Variants in WDPCP observed in about 807,000 individuals in gnomAD.
The protein encoded by WDPCP is WD repeat containing planar cell polarity effector, also known as WD repeat-containing and planar cell polarity effector protein fritz homolog.
A neutral mutation model predicts 93.1 loss-of-function variants in WDPCP; 71 were observed. The ratio of observed to expected loss-of-function variants is 0.76; its 90% CI spans 0.63 to 0.93. The LOEUF (loss-of-function observed/expected upper bound fraction) is 0.93, where lower values mean the gene tolerates loss of function less well. WDPCP is among the 40% of genes least tolerant of loss of function. WDPCP has a pLI of 0.00. For missense variants in WDPCP, 844 were observed against 887.4 expected (o/e 0.95, Z 0.62); for synonymous variants, 315 against 315.0 (o/e 1.00, Z 0.00).
upstream of WDPCP, chr2:63,590,125 A>G (rs1470272419): frequency 6.6e-6 from 1 of 152,242 alleles, no homozygotes; most frequent in Non-Finnish European, 1.5e-5. Context: ...TTTGTCACAT[A>G]ATTAGTCATT....
intron 17 of WDPCP, among the ~76,000 whole-genome samples, chr2:63,139,303 T>C (rs1025118571): frequency 6.6e-6 from 1 of 152,204 alleles, no homozygotes; most frequent in African/African-American, 2.4e-5. Context: ...AGTATCTTTT[T>C]TGAGTAATGA....
intron 1 of WDPCP, among the ~76,000 whole-genome samples, chr2:63,562,187 C>A (rs1303791797): frequency 6.6e-6 from 1 of 152,094 alleles, no homozygotes; most frequent in East Asian, 1.9e-4. Flanking sequence ...TAGCATGCAG[C>A]CATAAAAAGG....
At chr2:63,574,316 T>C (rs1707759947) in intron 1 of WDPCP, among the ~76,000 whole-genome samples, 1 of 152,212 alleles carries the variant, frequency 6.6e-6, no homozygotes, top group Admixed American at 6.5e-5. Context: ...TGTCCCTTTA[T>C]TTCTCAGACT....
intron 2 of WDPCP, among the ~76,000 whole-genome samples, chr2:63,728,318 A>G (rs182185933): frequency 3.9e-5 from 6 of 152,280 alleles, no homozygotes; most frequent in Admixed American, 3.3e-4. Flanking sequence ...CTCCTATTCA[A>G]AGGAGCTTAC....
rs559450920 is a variant in WDPCP, at chr2:63,266,730, C to T, written c.1813-7321G>A. ...CTGAGGCAGGAGAATCATTTGAACT[C>T]GGGGGGTGGAGGCTGCCGTCAGTCA... On this transcript the variant is annotated intron_variant, in intron 13 of 17. Transcript: ENST00000272321. Among the ~76,000 whole-genome samples the T allele has an allele frequency of 7.2e-5, 11 of 152,100 alleles. No homozygotes were observed. The South Asian group carries it at 8.3e-4, about 11-fold the overall frequency.
At chr2:63,779,619 C>A (rs373085678) in intron 2 of WDPCP, among the ~76,000 whole-genome samples, 179 of 152,248 alleles carry the variant, frequency 1.2e-3, no homozygotes, top group Admixed American at 2.4e-3. Context: ...GAGGATAAAT[C>A]ACCATCGATC....
intron 2 of WDPCP, among the ~76,000 whole-genome samples, chr2:63,771,878 A>T (rs1327020789): frequency 6.6e-6 from 1 of 151,798 alleles, no homozygotes; most frequent in African/African-American, 2.4e-5. Context: ...CTTACTTTTG[A>T]TATTTTTTTA....
intron 1 of WDPCP, among the ~76,000 whole-genome samples, chr2:63,528,865 T>C (rs932773001): frequency 3.9e-5 from 6 of 152,230 alleles, no homozygotes; most frequent in African/African-American, 9.6e-5. Flanking sequence ...GTTCTTCCAT[T>C]TGTTTGTGTC....
In WDPCP at chr2:63,505,243, G is replaced by A. The variant is rs533252948; in HGVS notation, c.76-12303C>T. Among the ~76,000 whole-genome samples the A allele has an allele frequency of 1.1e-4, 16 of 151,962 alleles. No homozygotes were observed. The South Asian group carries it at 1.2e-3, about 12-fold the overall frequency. ...TTACTAACGGTTTGTCACAGTGTTC[G>A]TACTTACATAAAATTTTTAGTATTT... is the stretch of plus-strand genomic sequence containing the variant. On this transcript the variant is annotated intron_variant, in intron 1 of 17. Transcript: ENST00000272321.
At chr2:63,575,538 T>A (rs1420879940) in intron 1 of WDPCP, among the ~76,000 whole-genome samples, 5 of 139,954 alleles carry the variant, frequency 3.6e-5, no homozygotes, top group Non-Finnish European at 6.2e-5. Context: ...GTATATACAC[T>A]GTATATATAG....
intron 3 of WDPCP, among the ~76,000 whole-genome samples, chr2:63,620,789 G>T (rs546745436): frequency 1.3e-5 from 2 of 152,190 alleles, no homozygotes; most frequent in East Asian, 3.9e-4. Flanking sequence ...CATCTGGCAG[G>T]TGCCCCTCTG....
chr2:63,492,223 G>C (rs1028670027), intron 2 of WDPCP, among the ~76,000 whole-genome samples: 2 of 151,888 alleles, frequency 1.3e-5, no homozygotes, highest in African/African-American at 4.8e-5. Context: ...TTCGTATAAA[G>C]ATTTTTTAAA....
At chr2:63,527,296 G>C (rs1251712377) in intron 1 of WDPCP, among the ~76,000 whole-genome samples, 1 of 148,964 alleles carries the variant, frequency 6.7e-6, no homozygotes, top group African/African-American at 2.5e-5. Context: ...ATGTATACCT[G>C]TGCCATGTTG....
intron 17 of WDPCP, among the ~76,000 whole-genome samples, chr2:63,141,566 C>T (rs749505287): frequency 2.0e-5 from 3 of 152,106 alleles, no homozygotes; most frequent in Middle Eastern, 3.2e-3. Flanking sequence ...TCAAGGATAT[C>T]GGTCTATAGT....
chr2:63,635,371 T>C (rs1269772468), intron 3 of WDPCP, among the ~76,000 whole-genome samples: 1 of 152,166 alleles, frequency 6.6e-6, no homozygotes, highest in African/African-American at 2.4e-5. Context: ...CCTCATTTTA[T>C]GAAGCCAGCA....
At chr2:63,736,034 A>G (rs1669635207) in intron 2 of WDPCP, among the ~76,000 whole-genome samples, 1 of 152,234 alleles carries the variant, frequency 6.6e-6, no homozygotes, top group Admixed American at 6.5e-5. Context: ...TAAGGATTGC[A>G]GAATTCTAGA....
At chr2:63,593,768 A>T (rs1709248334), upstream of WDPCP, 1 of 439,664 alleles carries the variant, frequency 2.3e-6, no homozygotes, top group East Asian at 7.1e-5. Flanking sequence ...TTTTTAATAG[A>T]TATATTTCTA....
intron 2 of WDPCP, among the ~76,000 whole-genome samples, chr2:63,791,548 G>A (rs1288597395): frequency 6.6e-6 from 1 of 152,144 alleles, no homozygotes; most frequent in Admixed American, 6.6e-5. Context: ...AATGGTGCTT[G>A]CTTATCTTAG....
At chr2:63,609,380 A>AAT (rs149675826) in intron 3 of WDPCP, among the ~76,000 whole-genome samples, 5,147 of 151,548 alleles carry the variant, frequency 0.034, 122 homozygotes, top group Middle Eastern at 0.1. Flanking sequence ...ACAACAACAA[A>AAT]ATATATATAT....
Sources: allele counts gnomAD v4.1 joint callset (sites outside exome capture counted in the v4.1 genomes callset), GRCh38; gene constraint gnomAD v4.1.1; transcripts MANE v1.5; gene names NCBI Gene and HGNC (gene_info 2026-07-23, HGNC 2026-07-21).